Variants in ITGAV observed in about 807,000 individuals in gnomAD.
ITGAV encodes integrin alpha-V.
In ITGAV, 76 loss-of-function variants were observed where a neutral mutation model predicts 143.8. That is an observed-to-expected ratio of 0.53 (90% CI 0.44 to 0.64). ITGAV has a LOEUF of 0.64. Among genes scored for constraint, ITGAV ranks in the 30% least tolerant of loss-of-function variants. The pLI is 0.00. For synonymous variants in ITGAV, 453 were observed against 446.7 expected, an observed-to-expected ratio of 1.01 and a Z score of -0.18; for missense variants, 1,193 against 1,274.7, an observed-to-expected ratio of 0.94 and a Z score of 0.98.
chr2:186,606,037 G>T (rs1206889783), intron 2 of ITGAV, among the ~76,000 whole-genome samples: 1 of 151,776 alleles, frequency 6.6e-6, no homozygotes, highest in African/African-American at 2.4e-5. Flanking sequence ...AATGTAAGAG[G>T]ACAACATAGA....
chr2:186,637,932 A>G (rs1045304731), intron 8 of ITGAV, among the ~76,000 whole-genome samples: 2 of 151,990 alleles, frequency 1.3e-5, no homozygotes, highest in Admixed American at 1.3e-4. Flanking sequence ...ACCCCACTTC[A>G]GTTTGCTCTG....
chr2:186,602,211 G>C (rs1214330718), intron 2 of ITGAV, 60 bp downstream of exon 2: 2 of 1,465,800 alleles, frequency 1.4e-6, no homozygotes, highest in African/African-American at 2.8e-5. Flanking sequence ...TTTTGCAATT[G>C]GTTTAGTTTA....
chr2:186,627,324 G>C (rs6434191), intron 4 of ITGAV, among the ~76,000 whole-genome samples: 151,629 of 152,334 alleles, frequency 1, 75,467 homozygotes, highest in Middle Eastern at 1. Context: ...AACCCAAGTT[G>C]TTCTATTCCA....
intron 6 of ITGAV, among the ~76,000 whole-genome samples, chr2:186,635,110 A>C (rs1687916305): frequency 6.6e-6 from 1 of 152,176 alleles, no homozygotes; most frequent in African/African-American, 2.4e-5. Context: ...TATATTTATT[A>C]GAATTTTATT....
chr2:186,610,359 A>G (rs1687182785), intron 2 of ITGAV, among the ~76,000 whole-genome samples: 3 of 152,172 alleles, frequency 2.0e-5, no homozygotes, highest in Non-Finnish European at 4.4e-5. Flanking sequence ...TATCTCCAAA[A>G]TGTGCTGCCC....
chr2:186,590,587 T>C, intron 1 of ITGAV, 64 bp downstream of exon 1: 1 of 1,454,396 alleles, frequency 6.9e-7, no homozygotes, highest in South Asian at 1.3e-5. Flanking sequence ...CACCCAGCGT[T>C]TCTCCATTGG....
chr2:186,667,681 C>G lies in ITGAV; in HGVS notation c.2338C>G (p.Pro780Ala). The stretch of plus-strand genomic sequence containing the variant: ...TTGGTCATTGTTTAGAGTCTCGAGT[C>G]CTGATCATGTCTTTCTTCCGATTCC... ...AAVEIRGVSS[P>A]DHVFLPIPNW... Residue 780 changes from proline to alanine, a missense_variant, in exon 24 of 30, where the codon CCT (proline) becomes GCT (alanine). Pro to Ala is a conservative substitution (Grantham distance 27). Transcript: ENST00000261023. 2 of 1,597,338 alleles carry G rather than the reference C, an allele frequency of 1.3e-6. No individual in the cohort carries two copies. Among genetic ancestry groups the G allele is most frequent in the Admixed American group, 1.7e-5 (1 of 59,904 alleles).
At chr2:186,624,656 G>A (rs1383759097) in intron 3 of ITGAV, among the ~76,000 whole-genome samples, 1 of 152,092 alleles carries the variant, frequency 6.6e-6, no homozygotes, top group Non-Finnish European at 1.5e-5. Flanking sequence ...TAAATGAATT[G>A]TTACACATTT....
intron 2 of ITGAV, among the ~76,000 whole-genome samples, chr2:186,617,467 T>C (rs1030676732): frequency 5.3e-5 from 8 of 152,200 alleles, no homozygotes; most frequent in Non-Finnish European, 8.8e-5. Flanking sequence ...CATGCAGTCA[T>C]GGGAGTTTGA....
chr2:186,608,450 A>G (rs892736101), intron 2 of ITGAV, among the ~76,000 whole-genome samples: 2 of 152,208 alleles, frequency 1.3e-5, no homozygotes. Flanking sequence ...AATCACAACA[A>G]AAATTTTACA....
chr2:186,605,902 T>G (rs200539710), intron 2 of ITGAV, among the ~76,000 whole-genome samples: 2 of 23,810 alleles, frequency 8.4e-5, no homozygotes, highest in Non-Finnish European at 1.9e-4. Context: ...TATATGTATA[T>G]CTTTTGTCCC....
chr2:186,667,196 G>A lies in ITGAV; in HGVS notation c.2293G>A (p.Asp765Asn). 2 of 1,611,054 alleles carry A rather than the reference G, an allele frequency of 1.2e-6. No individual in the cohort carries two copies. Among genetic ancestry groups the A allele is most frequent in the Non-Finnish European group, 1.7e-6 (2 of 1,178,394 alleles). ...AAGCCCAGTTGTATCTCACAAAGTT[G>A]ATCTTGCTGTTTTAGCTGCAGTTGA... The part of the protein sequence containing the change: ...KVSPVVSHKV[D>N]LAVLAAVEIR... The change falls in exon 23 of 30, where the codon GAT becomes AAT. Residue 765 changes from aspartate (D) to asparagine (N), a missense_variant. Coordinates refer to ENST00000261023, the MANE Select transcript of ITGAV (RefSeq NM_002210.5).
At chr2:186,591,470 G>A (rs1401666236) in intron 1 of ITGAV, among the ~76,000 whole-genome samples, 1 of 152,114 alleles carries the variant, frequency 6.6e-6, no homozygotes, top group African/African-American at 2.4e-5. Context: ...TTTCAAGAGA[G>A]AAACTGTTCT....
intron 16 of ITGAV, among the ~76,000 whole-genome samples, chr2:186,656,020 T>C (rs1688572260): frequency 6.6e-6 from 1 of 152,150 alleles, no homozygotes; most frequent in Non-Finnish European, 1.5e-5. Flanking sequence ...TTGGGAATTA[T>C]TTATGACATT....
Position 186,679,317 on chromosome 2 carries a change from T to G in ITGAV, c.*2025T>G, listed in dbSNP as rs959738718. 6.6e-6 allele frequency: 1 copy of G among 152,006 alleles called. No homozygotes were observed. The highest frequency in any genetic ancestry group is 1.5e-5 in the Non-Finnish European group (1 of 67,874). 9.4% of individuals were successfully genotyped at this position (152,006 alleles called of 1,614,324 possible). A position where few individuals can be genotyped will look rare whatever the true frequency, so the allele number is the denominator to read the frequency against. Reference sequence around the variant, plus strand: ...ATGGCATCTATCTTGAAAGTAATCTTGTATTGGAGATTGAAAGATGCTGTA... The same window carrying G: ...ATGGCATCTATCTTGAAAGTAATCTGGTATTGGAGATTGAAAGATGCTGTA... On this transcript the variant is annotated 3_prime_UTR_variant, in exon 30 of 30. Transcript: ENST00000261023.
intron 11 of ITGAV, 191 bp from the exon 12 acceptor site, chr2:186,641,195 A>C (rs1688093247): frequency 1.6e-6 from 1 of 614,882 alleles, no homozygotes; most frequent in African/African-American, 1.8e-5. Context: ...TAATTTTATG[A>C]ATTATTCATA....
At chr2:186,598,322 CACACACA>C (rs984021582) in intron 1 of ITGAV, among the ~76,000 whole-genome samples, 3 of 151,036 alleles carry the variant, frequency 2.0e-5, no homozygotes, top group Non-Finnish European at 4.4e-5. Context: ...CACACACACA[CACACACA>C]GAGTTTCACT....
intron 12 of ITGAV, among the ~76,000 whole-genome samples, chr2:186,644,525 C>T (rs947130685): frequency 2.0e-5 from 3 of 151,618 alleles, no homozygotes; most frequent in Non-Finnish European, 2.9e-5. Flanking sequence ...GGAGTTTCAC[C>T]ATGTTGGCCA....
chr2:186,638,345 TA>T (rs1288753710), intron 9 of ITGAV, 25 bp downstream of exon 9: 1 of 1,611,706 alleles, frequency 6.2e-7, no homozygotes, highest in African/African-American at 1.3e-5. Flanking sequence ...AGGTATTTTT[TA>T]AAAAATCTCT....
Sources: gnomAD v4.1 joint callset for allele counts (sites outside exome capture counted in the v4.1 genomes callset) on GRCh38, gnomAD v4.1.1 for gene constraint, MANE v1.5 for transcripts, NCBI Gene and HGNC (gene_info 2026-07-23, HGNC 2026-07-21) for gene names.